PPARGC1A: variants seen among roughly 807,000 people sequenced by gnomAD.
PPARGC1A encodes the protein PPARG coactivator 1 alpha.
PPARGC1A carries 25 observed loss-of-function variants against 88.7 expected under a neutral mutation model. That is an observed-to-expected ratio of 0.28 (90% CI 0.21 to 0.39). The LOEUF (loss-of-function observed/expected upper bound fraction) is 0.39. Ranked by LOEUF, PPARGC1A falls within the 10% of genes least tolerant of loss-of-function variation. The pLI is 1.00. For missense variants in PPARGC1A, 880 were observed against 968.7 expected (o/e 0.91, Z 1.22); for synonymous variants, 363 against 355.6 (o/e 1.02, Z -0.24).
At chr4:23,961,964 C>T in the PPARGC1A span, among the ~76,000 whole-genome samples, 1 of 152,082 alleles carries the variant, frequency 6.6e-6, no homozygotes, top group Non-Finnish European at 1.5e-5. Context: ...CAGATCACGA[C>T]CAATAAAGAT....
At chr4:24,057,748 CT>C in the PPARGC1A span, among the ~76,000 whole-genome samples, 2 of 152,268 alleles carry the variant, frequency 1.3e-5, no homozygotes, top group South Asian at 4.1e-4. Context: ...AATGGATTCA[CT>C]TCTTTTGCAG....
the PPARGC1A span, among the ~76,000 whole-genome samples, chr4:24,089,510 C>CTTTT: frequency 1.7e-3 from 56 of 33,828 alleles, 3 homozygotes; most frequent in African/African-American, 3.7e-3. Flanking sequence ...CTTTTCTTTT[C>CTTTT]TTTCTTTTTT....
chr4:24,444,062 G>C, the PPARGC1A span, among the ~76,000 whole-genome samples: 3 of 151,906 alleles, frequency 2.0e-5, no homozygotes, highest in African/African-American at 4.8e-5. Flanking sequence ...TGTAGAGAAA[G>C]AGTCTCATTA....
the PPARGC1A span, among the ~76,000 whole-genome samples, chr4:24,011,614 C>T: frequency 3.3e-5 from 5 of 152,100 alleles, no homozygotes; most frequent in Non-Finnish European, 7.3e-5. Flanking sequence ...TCCTTCTCAC[C>T]GAACTTTCCT....
the PPARGC1A span, among the ~76,000 whole-genome samples, chr4:23,978,738 T>A: frequency 6.6e-6 from 1 of 152,214 alleles, no homozygotes. Flanking sequence ...TAGAAGAATA[T>A]TTTATTTAAA....
the PPARGC1A span, among the ~76,000 whole-genome samples, chr4:24,413,362 A>T: frequency 1.3e-5 from 2 of 152,100 alleles, no homozygotes; most frequent in Admixed American, 6.5e-5. Context: ...GGAAGGCAAG[A>T]TTAGAGGAGC....
At chr4:24,171,869 GTTTCT>G in the PPARGC1A span, among the ~76,000 whole-genome samples, 2 of 152,146 alleles carry the variant, frequency 1.3e-5, no homozygotes, top group African/African-American at 4.8e-5. Flanking sequence ...CATGTCATGG[GTTTCT>G]TTTATTTCTT....
At chr4:23,882,719 A>G (rs1716180014) in intron 2 of PPARGC1A, 2 of 152,152 alleles carry the variant, frequency 1.3e-5, no homozygotes, top group African/African-American at 4.8e-5. Context: ...ATAGAATATG[A>G]TACAGGGAGA....
At chr4:24,063,606 G>A in the PPARGC1A span, among the ~76,000 whole-genome samples, 2 of 152,164 alleles carry the variant, frequency 1.3e-5, no homozygotes, top group South Asian at 2.1e-4. Flanking sequence ...TTGAGATCCC[G>A]GGGTGAAGGA....
the PPARGC1A span, among the ~76,000 whole-genome samples, chr4:24,003,321 G>T: frequency 1.3e-5 from 2 of 152,070 alleles, no homozygotes; most frequent in African/African-American, 4.8e-5. Flanking sequence ...GGAAATCAAA[G>T]ATATACTCCT....
At chr4:24,225,337 A>AG in the PPARGC1A span, among the ~76,000 whole-genome samples, 3 of 152,166 alleles carry the variant, frequency 2.0e-5, no homozygotes, top group Non-Finnish European at 2.9e-5. Context: ...TGAGAAGCCA[A>AG]GGGGGGCAGA....
chr4:24,368,543 T>C, the PPARGC1A span, among the ~76,000 whole-genome samples: 1 of 151,972 alleles, frequency 6.6e-6, no homozygotes. Flanking sequence ...ATTTGGGGGG[T>C]TCTCTCTTCA....
intron 7 of PPARGC1A, among the ~76,000 whole-genome samples, chr4:23,822,701 C>T (rs919139429): frequency 6.6e-6 from 1 of 152,062 alleles, no homozygotes; most frequent in African/African-American, 2.4e-5. Flanking sequence ...CCCAGAATAT[C>T]TCTAGAGAAA....
the PPARGC1A span, among the ~76,000 whole-genome samples, chr4:24,301,188 A>C: frequency 6.6e-6 from 1 of 152,342 alleles, no homozygotes; most frequent in African/African-American, 2.4e-5. Flanking sequence ...TTCAGATTTT[A>C]CCTTAACACT....
the PPARGC1A span, among the ~76,000 whole-genome samples, chr4:23,937,768 T>C: frequency 1.3e-5 from 2 of 152,186 alleles, no homozygotes; most frequent in Non-Finnish European, 2.9e-5. Context: ...ACAGAAATGA[T>C]CTCTCTGCCC....
At chr4:24,000,871 A>T in the PPARGC1A span, among the ~76,000 whole-genome samples, 2 of 152,210 alleles carry the variant, frequency 1.3e-5, no homozygotes, top group South Asian at 4.1e-4. Flanking sequence ...GTACTATGTC[A>T]CATCATCACA....
At chr4:24,007,209 CCCA>C in the PPARGC1A span, among the ~76,000 whole-genome samples, 4 of 152,104 alleles carry the variant, frequency 2.6e-5, no homozygotes, top group African/African-American at 4.8e-5. Flanking sequence ...AAATGAACTG[CCCA>C]TCTCGCTCTC....
chr4:24,062,235 G>A, the PPARGC1A span, among the ~76,000 whole-genome samples: 1 of 152,300 alleles, frequency 6.6e-6, no homozygotes, highest in Admixed American at 6.5e-5. Flanking sequence ...ATGTGACAAT[G>A]ACACTATTGT....
the PPARGC1A span, among the ~76,000 whole-genome samples, chr4:24,115,333 A>C: frequency 4.2e-3 from 647 of 152,290 alleles, 4 homozygotes; most frequent in Non-Finnish European, 6.8e-3. Context: ...TCGGTAAATA[A>C]TAAAAGTGCT....
Sources: gnomAD v4.1 joint callset for allele counts (sites outside exome capture counted in the v4.1 genomes callset) on GRCh38, gnomAD v4.1.1 for gene constraint, MANE v1.5 for transcripts, NCBI Gene and HGNC (gene_info 2026-07-23, HGNC 2026-07-21) for gene names.